The following SMIM12 variants were observed in gnomAD, a reference collection of about 807,000 sequenced individuals.
SMIM12 encodes small integral membrane protein 12, also known as UPF0767 protein C1orf212.
A neutral mutation model predicts 6.3 loss-of-function variants in SMIM12; 5 were observed. That is an observed-to-expected ratio of 0.80 (90% CI 0.42 to 1.68). SMIM12 has a LOEUF of 1.68. Ranked by LOEUF, SMIM12 falls within the 40% of genes most tolerant of loss-of-function variation. SMIM12 has a pLI of 0.02. For missense variants in SMIM12, 103 were observed against 121.4 expected (o/e 0.85, Z 0.71); for synonymous variants, 51 against 48.0 (o/e 1.06, Z -0.26).
At position 34,855,635 on chromosome 1, in the gene SMIM12, C is replaced by T; in HGVS notation, c.*64G>A. ...CCAATTAGATGTGGGTTCTGGGGCT[C>T]TGTCAACATGGTAGCAGGACAAGTC... On this transcript the variant is annotated 3_prime_UTR_variant, in exon 2 of 2. Coordinates refer to ENST00000521580, the MANE Select transcript of SMIM12 (RefSeq NM_138428.6). 6.2e-7 allele frequency: 1 copy of T among 1,614,070 alleles called. No homozygotes were observed.
At position 34,852,302 on chromosome 1, in the gene SMIM12, T is replaced by A. The variant is rs562156359; in HGVS notation, c.*3397A>T. 1.2e-4 allele frequency among the ~76,000 whole-genome samples: 18 copies of A among 152,080 alleles called. No individual in the cohort carries two copies. The highest frequency in any genetic ancestry group is 4.3e-4 in the African/African-American group (18 of 41,474). On this transcript the variant is annotated 3_prime_UTR_variant, in exon 2 of 2. Transcript: ENST00000521580. ...AGGGATATTTTAAAAGATCTGAAAA[T>A]CCAAAAATGTCCATGGGAAATGTGT...
chr1:34,855,461 G>A lies in SMIM12; in HGVS notation c.*238C>T, dbSNP rs780236740. On this transcript the variant is annotated 3_prime_UTR_variant, in exon 2 of 2. Transcript: ENST00000521580. ...TCCCAGCAGTGCACCAGTAAACTCAGATGCCTGAGTGCTTGTGGCCACCAC... is the reference window on the plus strand; with the variant it reads ...TCCCAGCAGTGCACCAGTAAACTCAAATGCCTGAGTGCTTGTGGCCACCAC... 1.3e-6 allele frequency: 2 copies of A among 1,591,490 alleles called. No homozygotes were observed. Among genetic ancestry groups the A allele is most frequent in the Non-Finnish European group, 1.7e-6 (2 of 1,165,874 alleles).
Position 34,855,493 on chromosome 1 carries a change from G to T in SMIM12, c.*206C>A. The T allele has an allele frequency of 1.2e-6, 2 of 1,605,752 alleles. No homozygotes were observed. Among genetic ancestry groups the T allele is most frequent in the African/African-American group, 1.3e-5 (1 of 74,914 alleles). On this transcript the variant is annotated 3_prime_UTR_variant, in exon 2 of 2. Transcript: ENST00000521580. ...GAGTGCTTGTGGCCACCACACAACAGATGCGGCCTTCCTCTTCACTGGCCC... is the reference window on the plus strand; with the variant it reads ...GAGTGCTTGTGGCCACCACACAACATATGCGGCCTTCCTCTTCACTGGCCC...
chr1:34,859,608 ACTC>A, intron 1 of SMIM12, 66 bp downstream of exon 1: 1 of 151,980 alleles, frequency 6.6e-6, no homozygotes, highest in Non-Finnish European at 1.5e-5. Context: ...CCTAGCGATC[ACTC>A]CTCCCGTAAC....
At position 34,855,414 on chromosome 1, in the gene SMIM12, A is replaced by T. The variant is rs1638612760; in HGVS notation, c.*285T>A. ...CGCCTGCCCACAGAGATTGACAGCC[A>T]ATGTTCATCTCATAACTCTCCTCCC... On this transcript the variant is annotated 3_prime_UTR_variant, in exon 2 of 2. Transcript: ENST00000521580. 4 of 1,527,438 alleles carry T rather than the reference A, an allele frequency of 2.6e-6. No individual in the cohort carries two copies. The Admixed American group carries it at 5.2e-5, about 20-fold the overall frequency. 94.6% of individuals were successfully genotyped at this position (1,527,438 alleles called of 1,614,324 possible). A position where few individuals can be genotyped will look rare whatever the true frequency, so the allele number is the denominator to read the frequency against.
chr1:34,855,419 T>G lies in SMIM12; in HGVS notation c.*280A>C. 2 of 1,537,364 alleles carry G rather than the reference T, an allele frequency of 1.3e-6. No individual in the cohort carries two copies. The highest frequency in any genetic ancestry group is 1.8e-6 in the Non-Finnish European group (2 of 1,131,114). ...GCCCACAGAGATTGACAGCCAATGT[T>G]CATCTCATAACTCTCCTCCCAGCAG... On this transcript the variant is annotated 3_prime_UTR_variant, in exon 2 of 2. Coordinates refer to ENST00000521580, the MANE Select transcript of SMIM12 (RefSeq NM_138428.6).
Position 34,854,207 on chromosome 1 carries a change from C to G in SMIM12, c.*1492G>C, listed in dbSNP as rs1201257536. The G allele has an allele frequency of 6.6e-6, 1 of 152,106 alleles. No individual in the cohort carries two copies. Among genetic ancestry groups the G allele is most frequent in the East Asian group, 1.9e-4 (1 of 5,196 alleles). The allele number at this position is 152,106 out of a possible 1,614,324, so 9.4% of individuals were successfully genotyped here. ...CCTGTAATCCCAGCTACTTAGGAAG[C>G]TGAGGTAGGAGAATCGCTTGAACCC... On this transcript the variant is annotated 3_prime_UTR_variant, in exon 2 of 2. Transcript: ENST00000521580.
chr1:34,854,983 C>T lies in SMIM12; in HGVS notation c.*716G>A. On this transcript the variant is annotated 3_prime_UTR_variant, in exon 2 of 2. Coordinates refer to ENST00000521580, the MANE Select transcript of SMIM12 (RefSeq NM_138428.6). ...CCAATGTTATCCTGCTCTAAAATGC[C>T]TGTACTTGCCTAACTCCTAAGAAGA... 2 of 1,100,956 alleles carry T rather than the reference C, an allele frequency of 1.8e-6. No homozygotes were observed. The highest frequency in any genetic ancestry group is 3.0e-5 in the South Asian group (2 of 66,316). The allele number at this position is 1,100,956 out of a possible 1,614,324, so 68.2% of individuals were successfully genotyped here. A position where few individuals can be genotyped will look rare whatever the true frequency, so the allele number is the denominator to read the frequency against.
chr1:34,852,112 A>T lies in SMIM12; in HGVS notation c.*3587T>A, dbSNP rs920312199. ...GAAAGATCTAGCTGAGAACACTAATAGACTTGCTAGAGGAAGAATTCAGTG... is the reference window on the plus strand; with the variant it reads ...GAAAGATCTAGCTGAGAACACTAATTGACTTGCTAGAGGAAGAATTCAGTG... On this transcript the variant is annotated 3_prime_UTR_variant, in exon 2 of 2. Coordinates refer to ENST00000521580, the MANE Select transcript of SMIM12 (RefSeq NM_138428.6). 6.6e-6 allele frequency among the ~76,000 whole-genome samples: 1 copy of T among 151,934 alleles called. No individual in the cohort carries two copies. Among genetic ancestry groups the T allele is most frequent in the African/African-American group, 2.4e-5 (1 of 41,370 alleles).
In SMIM12 at chr1:34,855,620, G is replaced by A. The variant is rs770458181; in HGVS notation, c.*79C>T. 6.2e-7 allele frequency: 1 copy of A among 1,613,972 alleles called. No homozygotes were observed. Among genetic ancestry groups the A allele is most frequent in the East Asian group, 2.2e-5 (1 of 44,884 alleles). Reference sequence around the variant, plus strand: ...GAATAAGCAACAAAGCCAATTAGATGTGGGTTCTGGGGCTCTGTCAACATG... The same window carrying A: ...GAATAAGCAACAAAGCCAATTAGATATGGGTTCTGGGGCTCTGTCAACATG... On this transcript the variant is annotated 3_prime_UTR_variant, in exon 2 of 2. Transcript: ENST00000521580.
chr1:34,857,480 T>C (rs905268936), intron 1 of SMIM12: 1 of 152,226 alleles, frequency 6.6e-6, no homozygotes, highest in Non-Finnish European at 1.5e-5. Flanking sequence ...GTGCTTCATA[T>C]ACACTCACTC....
At position 34,855,055 on chromosome 1, in the gene SMIM12, A is replaced by ATAAT; in HGVS notation, c.*643_*644insATTA. On this transcript the variant is annotated 3_prime_UTR_variant, in exon 2 of 2. Coordinates refer to ENST00000521580, the MANE Select transcript of SMIM12 (RefSeq NM_138428.6). ...ATAAGATTCGATCATTATGGTTCTC[A>ATAAT]GATACCACTTTAATCAGGTTTTTCA... is the stretch of plus-strand genomic sequence containing the variant. 7.8e-7 allele frequency: 1 copy of ATAAT among 1,274,044 alleles called. No homozygotes were observed. The highest frequency in any genetic ancestry group is 1.0e-6 in the Non-Finnish European group (1 of 977,458). The allele number at this position is 1,274,044 out of a possible 1,614,324, so 78.9% of individuals were successfully genotyped here. A position where few individuals can be genotyped will look rare whatever the true frequency, so the allele number is the denominator to read the frequency against.
rs1436686536 is a variant in SMIM12 at position 34,852,957 on chromosome 1, C to T, written c.*2742G>A. The T allele has an allele frequency of 6.6e-6, 1 of 152,302 alleles. No homozygotes were observed. The highest frequency in any genetic ancestry group is 2.4e-5 in the African/African-American group (1 of 41,458). 9.4% of individuals were successfully genotyped at this position (152,302 alleles called of 1,614,324 possible). ...CTGCTCATCAGCCAGAACCTGCAGC[C>T]AGAACCAGAAATCTCCTTACTTGGT... On this transcript the variant is annotated 3_prime_UTR_variant, in exon 2 of 2. Coordinates refer to ENST00000521580, the MANE Select transcript of SMIM12 (RefSeq NM_138428.6).
intron 1 of SMIM12, among the ~76,000 whole-genome samples, chr1:34,859,256 G>C (rs1406194084): frequency 2.0e-5 from 3 of 152,246 alleles, no homozygotes; most frequent in Non-Finnish European, 4.4e-5. Flanking sequence ...GGGCCCGGAG[G>C]CCCAACGAGG....
rs559452850 is a variant in SMIM12, at chr1:34,854,822, C to G, written c.*877G>C. On this transcript the variant is annotated 3_prime_UTR_variant, in exon 2 of 2. Coordinates refer to ENST00000521580, the MANE Select transcript of SMIM12 (RefSeq NM_138428.6). ...GCGTCTATGTGTGTGTATGTGAGGT[C>G]TACCTCCATTTAGACTTGAAGGTGC... 1 of 200,638 alleles carries G rather than the reference C, an allele frequency of 5.0e-6. No individual in the cohort carries two copies. Among genetic ancestry groups the G allele is most frequent in the South Asian group, 8.5e-5 (1 of 11,770 alleles). The allele number at this position is 200,638 out of a possible 1,614,324, so 12.4% of individuals were successfully genotyped here.
At position 34,851,383 on chromosome 1, in the gene SMIM12, A is replaced by T. The variant is rs968568246; in HGVS notation, c.*4316T>A. 1 of 152,096 alleles carries T rather than the reference A, an allele frequency of 6.6e-6. No individual in the cohort carries two copies. Among genetic ancestry groups the T allele is most frequent in the African/African-American group, 2.4e-5 (1 of 41,382 alleles). 9.4% of individuals were successfully genotyped at this position (152,096 alleles called of 1,614,324 possible). ...AGTATTCATAACTCGAGCCTGTCAG[A>T]CTCTAGAATCCACTTTATTTTTCCT... On this transcript the variant is annotated 3_prime_UTR_variant, in exon 2 of 2. Transcript: ENST00000521580.
chr1:34,856,335 C>G (rs987292040), intron 1 of SMIM12, among the ~76,000 whole-genome samples: 1 of 152,174 alleles, frequency 6.6e-6, no homozygotes, highest in Non-Finnish European at 1.5e-5. Flanking sequence ...GCTGGAATTA[C>G]AGGCGTGAGC....
Position 34,855,896 on chromosome 1 carries a change from C to G in SMIM12, c.82G>C (p.Gly28Arg). Residue 28 changes from glycine (G) to arginine (R), a missense_variant, in exon 2 of 2, where the codon GGT becomes CGT. Gly to Arg is a moderately radical substitution (Grantham distance 125). Transcript: ENST00000521580. ...FPVAFVVGAV[G>R]YHLEWFIRGK... ...CTGATGAACCATTCCAGGTGGTAACCCACAGCCCCGACCACGAAGGCAACA... is the reference window on the plus strand; with the variant it reads ...CTGATGAACCATTCCAGGTGGTAACGCACAGCCCCGACCACGAAGGCAACA... 1.9e-6 allele frequency: 3 copies of G among 1,551,664 alleles called. No homozygotes were observed. Among genetic ancestry groups the G allele is most frequent in the South Asian group, 2.4e-5 (2 of 84,064 alleles).
chr1:34,852,463 CAAAAAAAAA>C lies in SMIM12; in HGVS notation c.*3227_*3235del, dbSNP rs34535449. ...TATTTGTAACAAGTTGTTAGATCGC[CAAAAAAAAA>C]AAAAAAAAAAAAACCATAATTATAG... On this transcript the variant is annotated 3_prime_UTR_variant, in exon 2 of 2. Coordinates refer to ENST00000521580, the MANE Select transcript of SMIM12 (RefSeq NM_138428.6). Among the ~76,000 whole-genome samples, 34 of 81,786 alleles carry C rather than the reference CAAAAAAAAA, an allele frequency of 4.2e-4. No homozygotes were observed. Among genetic ancestry groups the C allele is most frequent in the African/African-American group, 1.4e-3 (34 of 23,712 alleles). The allele number at this position is 81,786 out of a possible 152,430, so 53.7% of individuals were successfully genotyped here.
Sources: allele counts gnomAD v4.1 joint callset (sites outside exome capture counted in the v4.1 genomes callset), GRCh38; gene constraint gnomAD v4.1.1; transcripts MANE v1.5; gene names NCBI Gene and HGNC (gene_info 2026-07-23, HGNC 2026-07-21).